Variants in ANKRD12 observed in about 807,000 individuals in gnomAD.
ANKRD12 encodes the protein ankyrin repeat domain 12.
Under a neutral mutation model 183.4 loss-of-function variants are expected in ANKRD12, and 85 were observed. That is an observed-to-expected ratio of 0.46 (90% confidence interval 0.39 to 0.56). ANKRD12 has a LOEUF of 0.56. Ranked by LOEUF, ANKRD12 falls within the 20% of genes least tolerant of loss-of-function variation. The probability of loss-of-function intolerance (pLI) is 0.00; values close to 1 mark genes in which losing one functional copy is unlikely to be tolerated. For synonymous variants in ANKRD12, 914 were observed against 800.2 expected, an observed-to-expected ratio of 1.14 and a Z score of -2.40; for missense variants, 2,405 against 2,357.1, an observed-to-expected ratio of 1.02 and a Z score of -0.42.
chr18:9,167,469 C>A (rs1342895039), intron 1 of ANKRD12, among the ~76,000 whole-genome samples: 1 of 152,100 alleles, frequency 6.6e-6, no homozygotes, highest in Non-Finnish European at 1.5e-5. Flanking sequence ...ATTTTATTCT[C>A]TTTGAAGCAA....
intron 8 of ANKRD12, among the ~76,000 whole-genome samples, chr18:9,243,336 A>G (rs2037766537): frequency 1.3e-5 from 2 of 152,202 alleles, no homozygotes; most frequent in South Asian, 4.1e-4. Flanking sequence ...CTCAGCTGAG[A>G]TCACTACTAA....
At chr18:9,149,692 T>C (rs1002754520) in intron 1 of ANKRD12, among the ~76,000 whole-genome samples, 2 of 152,154 alleles carry the variant, frequency 1.3e-5, no homozygotes, top group Admixed American at 6.5e-5. Context: ...TAAATAGAAC[T>C]CTATCCTGTA....
intron 2 of ANKRD12, among the ~76,000 whole-genome samples, chr18:9,191,489 T>TA (rs2034452859): frequency 6.6e-6 from 1 of 152,156 alleles, no homozygotes; most frequent in African/African-American, 2.4e-5. Flanking sequence ...GTTTTTTTTT[T>TA]AACTCATTTT....
chr18:9,275,657 TG>T lies in ANKRD12; in HGVS notation c.5899del (p.Asp1967ThrfsTer11). 6.4e-7 allele frequency: 1 copy of T among 1,572,904 alleles called. No homozygotes were observed. Reference sequence around the variant, plus strand: ...GATGCCGAAGTATACAATGTACCATTGGACTCTCAGGTAAAATGTTTGTTGA... The same window carrying T: ...GATGCCGAAGTATACAATGTACCATTGACTCTCAGGTAAAATGTTTGTTGA... ...LLDAEVYNVPLDSQSDDSKTS... is the reference protein window; with the variant it reads ...LLDAEVYNVPXDSQSDDSKTS... On this transcript the variant is annotated frameshift_variant, in exon 11 of 13. Transcript: ENST00000262126. LOFTEE classifies it high-confidence loss of function.
intron 2 of ANKRD12, among the ~76,000 whole-genome samples, chr18:9,187,268 AT>A (rs1331816143): frequency 6.6e-6 from 1 of 152,074 alleles, no homozygotes; most frequent in Admixed American, 6.5e-5. Context: ...AAAAAAAAAA[AT>A]TAGCTGGATG....
chr18:9,164,238 T>C (rs2143832847), intron 1 of ANKRD12, among the ~76,000 whole-genome samples: 1 of 152,332 alleles, frequency 6.6e-6, no homozygotes, highest in South Asian at 2.1e-4. Flanking sequence ...GAAGGGATGT[T>C]GAATTTTCTG....
rs2040091873 is a variant in ANKRD12 at position 9,281,135 on chromosome 18, A to G, written c.*9A>G. The stretch of plus-strand genomic sequence containing the variant: ...AATTGACTCCTATATAGCAGTCAGT[A>G]CTTCCTGATGGTATTGTCCTAAACT... On this transcript the variant is annotated 3_prime_UTR_variant, in exon 13 of 13. Coordinates refer to ENST00000262126, the MANE Select transcript of ANKRD12 (RefSeq NM_015208.5). 1 of 1,607,912 alleles carries G rather than the reference A, an allele frequency of 6.2e-7. No individual in the cohort carries two copies. The highest frequency in any genetic ancestry group is 1.1e-5 in the South Asian group (1 of 90,506).
In ANKRD12 at chr18:9,257,253, A is replaced by C; in HGVS notation, c.3986A>C (p.Glu1329Ala). The change falls in exon 9 of 13, where the codon GAG becomes GCG. Residue 1329 changes from glutamate (E) to alanine (A), a missense_variant. This residue lies in a region of ANKRD12 where 1,983 missense variants were observed against 1,725.9 expected (regional missense o/e 1.15). Transcript: ENST00000262126. Reference sequence around the variant, plus strand: ...AAACAATTCCAAACAATATCAGAAGAGAGCAATCAAGGTAGCTTATTAACT... The same window carrying C: ...AAACAATTCCAAACAATATCAGAAGCGAGCAATCAAGGTAGCTTATTAACT... The part of the protein sequence containing the change: ...HTKQFQTISE[E>A]SNQGSLLTVP... 1.2e-6 allele frequency: 2 copies of C among 1,614,148 alleles called. No individual in the cohort carries two copies. The highest frequency in any genetic ancestry group is 4.5e-5 in the East Asian group (2 of 44,886).
At chr18:9,234,799 C>A (rs1400659236) in intron 8 of ANKRD12, among the ~76,000 whole-genome samples, 1 of 152,168 alleles carries the variant, frequency 6.6e-6, no homozygotes, top group East Asian at 1.9e-4. Flanking sequence ...GTCTCCAAAT[C>A]GCTGCCCACA....
At position 9,248,466 on chromosome 18, in the gene ANKRD12, C is replaced by T. The variant is rs188274123; in HGVS notation, c.944-5745C>T. Among the ~76,000 whole-genome samples, 437 of 152,272 alleles carry T rather than the reference C, an allele frequency of 2.9e-3. 1 individual carries two copies. Among genetic ancestry groups the T allele is most frequent in the African/African-American group, 9.9e-3 (412 of 41,542 alleles). ...CTAAGTGAAATAAGTATTTCATATA[C>T]GTTCTTTAATTTTCCTCTGCTTCAC... On this transcript the variant is annotated intron_variant, in intron 8 of 12. Coordinates refer to ENST00000262126, the MANE Select transcript of ANKRD12 (RefSeq NM_015208.5).
intron 9 of ANKRD12, among the ~76,000 whole-genome samples, chr18:9,260,943 C>G (rs1287360838): frequency 6.6e-6 from 1 of 152,142 alleles, no homozygotes. Flanking sequence ...ACCCAATGAC[C>G]TGCTTCTCTT....
chr18:9,197,279 C>G (rs1377637497), intron 3 of ANKRD12, among the ~76,000 whole-genome samples: 1 of 152,092 alleles, frequency 6.6e-6, no homozygotes, highest in Non-Finnish European at 1.5e-5. Flanking sequence ...CACTTTTCCC[C>G]CTTAGATTTT....
intron 1 of ANKRD12, among the ~76,000 whole-genome samples, chr18:9,175,949 C>T (rs2144078985): frequency 6.6e-6 from 1 of 151,556 alleles, no homozygotes; most frequent in Non-Finnish European, 1.5e-5. Flanking sequence ...CCAAAAAAAA[C>T]TCTTTGTTTC....
In ANKRD12 at chr18:9,154,241, G is replaced by A. The variant is rs183869437; in HGVS notation, c.-52+17276G>A. Among the ~76,000 whole-genome samples the A allele has an allele frequency of 1.6e-3, 245 of 152,232 alleles. 1 individual carries two copies. Among genetic ancestry groups the A allele is most frequent in the Middle Eastern group, 0.01 (3 of 294 alleles). On this transcript the variant is annotated intron_variant, in intron 1 of 12. Coordinates refer to ENST00000262126, the MANE Select transcript of ANKRD12 (RefSeq NM_015208.5). ...GTTCAAGACCAGTCTTGGCAACATG[G>A]CAAAACCCTGTCTCTACAAAAAATA...
chr18:9,285,006 A>G lies in ANKRD12; in HGVS notation c.*3880A>G, dbSNP rs953130777. On this transcript the variant is annotated 3_prime_UTR_variant, in exon 13 of 13. Transcript: ENST00000262126. Reference sequence around the variant, plus strand: ...CGGATCACGAGGTCAGGAGATCGAGACCATCCTGGCTAACACGGTGAAACC... The same window carrying G: ...CGGATCACGAGGTCAGGAGATCGAGGCCATCCTGGCTAACACGGTGAAACC... The G allele has an allele frequency of 1.3e-5, 2 of 152,206 alleles. No homozygotes were observed. The highest frequency in any genetic ancestry group is 3.9e-4 in the East Asian group (2 of 5,190). The allele number at this position is 152,206 out of a possible 1,614,324, so 9.4% of individuals were successfully genotyped here.
At chr18:9,172,331 ATTC>A (rs1163708828) in intron 1 of ANKRD12, among the ~76,000 whole-genome samples, 2 of 151,928 alleles carry the variant, frequency 1.3e-5, no homozygotes, top group Non-Finnish European at 1.5e-5. Flanking sequence ...ATTTGATTCC[ATTC>A]TTCTCCTGTC....
Position 9,262,787 on chromosome 18 carries a change from C to CTTTTTTT in ANKRD12, c.5665-980_5665-974dup, listed in dbSNP as rs71168048. 2.1e-4 allele frequency among the ~76,000 whole-genome samples: 18 copies of CTTTTTTT among 83,774 alleles called. 2 individuals carry two copies. The highest frequency in any genetic ancestry group is 7.4e-4 in the African/African-American group (13 of 17,630). The allele number at this position is 83,774 out of a possible 152,430, so 55.0% of individuals were successfully genotyped here. On this transcript the variant is annotated intron_variant, in intron 9 of 12. Transcript: ENST00000262126. The stretch of plus-strand genomic sequence containing the variant: ...GCCACCATGCCCAGCCAAGATGTCC[C>CTTTTTTT]TTTTTTTTTTTTTTTTTTTTTTTTT...
intron 3 of ANKRD12, among the ~76,000 whole-genome samples, chr18:9,196,030 T>C (rs2034762527): frequency 6.6e-6 from 1 of 151,844 alleles, no homozygotes; most frequent in Non-Finnish European, 1.5e-5. Context: ...GAAAAAGTTG[T>C]TGAGCTTTTG....
At chr18:9,176,126 T>C (rs1050461072) in intron 1 of ANKRD12, among the ~76,000 whole-genome samples, 1 of 152,212 alleles carries the variant, frequency 6.6e-6, no homozygotes, top group Non-Finnish European at 1.5e-5. Context: ...AGCGTTAGTT[T>C]AGTGACATTG....
Sources: allele counts gnomAD v4.1 joint callset (sites outside exome capture counted in the v4.1 genomes callset), GRCh38; gene constraint gnomAD v4.1.1; regional missense constraint gnomAD v4.1.1; transcripts MANE v1.5; gene names NCBI Gene and HGNC (gene_info 2026-07-23, HGNC 2026-07-21).